COPG2: variants seen among roughly 807,000 people sequenced by gnomAD.
COPG2 encodes the protein coat protein complex I subunit gamma 2.
Under a neutral mutation model 46.3 loss-of-function variants are expected in COPG2, and 37 were observed. The ratio of observed to expected loss-of-function variants is 0.80; its 90% CI spans 0.61 to 1.05. The LOEUF (loss-of-function observed/expected upper bound fraction) is 1.05, where lower values mean the gene tolerates loss of function less well. Ranked by LOEUF, COPG2 falls within the 50% of genes least tolerant of loss-of-function variation. COPG2 has a pLI of 0.00. For missense variants in COPG2, 427 were observed against 387.8 expected (o/e 1.10, Z -0.85); for synonymous variants, 159 against 129.7 (o/e 1.23, Z -1.53).
intron 9 of COPG2, among the ~76,000 whole-genome samples, chr7:130,601,659 C>T (rs1298825210): frequency 6.6e-6 from 1 of 152,092 alleles, no homozygotes; most frequent in African/African-American, 2.4e-5. Flanking sequence ...ACACCGGGGC[C>T]TGTCGCGGGT....
chr7:130,633,785 G>A (rs1346750455), intron 5 of COPG2, among the ~76,000 whole-genome samples: 4 of 152,152 alleles, frequency 2.6e-5, no homozygotes, highest in African/African-American at 9.7e-5. Context: ...TAGTCATGAA[G>A]TCTTTGCCCA....
chr7:130,583,493 TAAA>T (rs782593413), intron 9 of COPG2, among the ~76,000 whole-genome samples: 7 of 34,384 alleles, frequency 2.0e-4, no homozygotes, highest in South Asian at 2.9e-3. Flanking sequence ...ACATAAAGTA[TAAA>T]AAAAAAAAAA....
At chr7:130,588,052 C>T (rs1188056856) in intron 9 of COPG2, among the ~76,000 whole-genome samples, 2 of 151,716 alleles carry the variant, frequency 1.3e-5, no homozygotes, top group South Asian at 2.1e-4. Context: ...AAAATGCTCA[C>T]CATCACTGGC....
chr7:130,658,318 T>G (rs1795897046), intron 4 of COPG2, among the ~76,000 whole-genome samples: 1 of 152,190 alleles, frequency 6.6e-6, no homozygotes, highest in South Asian at 2.1e-4. Flanking sequence ...ATATCATTCA[T>G]ATGACTTCCT....
At chr7:130,558,466 G>A (rs1323347549) in intron 12 of COPG2, among the ~76,000 whole-genome samples, 3 of 152,138 alleles carry the variant, frequency 2.0e-5, no homozygotes, top group Non-Finnish European at 4.4e-5. Flanking sequence ...GCAGAACTGT[G>A]AGCCAATTAA....
chr7:130,542,889 G>A (rs2116373815), intron 20 of COPG2, among the ~76,000 whole-genome samples: 2 of 152,302 alleles, frequency 1.3e-5, no homozygotes, highest in South Asian at 4.1e-4. Flanking sequence ...TGGGGGCACT[G>A]GCAAATCTCA....
intron 20 of COPG2, chr7:130,509,692 G>A (rs1799565023): frequency 1.9e-6 from 1 of 519,434 alleles, no homozygotes; most frequent in Non-Finnish European, 3.9e-6. Flanking sequence ...ATAAAAAGAT[G>A]ACTGAGACAT....
chr7:130,509,828 G>A (rs377092794), intron 20 of COPG2: 2 of 504,544 alleles, frequency 4.0e-6, no homozygotes, highest in African/African-American at 3.9e-5. Flanking sequence ...TGCCATGTGA[G>A]GGTGCGGGAT....
At chr7:130,513,357 GTGTATATATATATATATA>G (rs1187818079) in intron 20 of COPG2, among the ~76,000 whole-genome samples, 4 of 42,066 alleles carry the variant, frequency 9.5e-5, no homozygotes, top group South Asian at 9.0e-4. Flanking sequence ...GTGTGTGTGT[GTGTATATATATATATATA>G]TGTGTGTGTG....
intron 20 of COPG2, among the ~76,000 whole-genome samples, chr7:130,518,954 C>T (rs1422313196): frequency 2.1e-5 from 3 of 143,426 alleles, no homozygotes; most frequent in East Asian, 2.0e-4. Context: ...TGCAGTGAGC[C>T]GAGATGGCAC....
At chr7:130,536,641 T>G (rs1166130677) in intron 20 of COPG2, among the ~76,000 whole-genome samples, 7 of 152,012 alleles carry the variant, frequency 4.6e-5, no homozygotes, top group Admixed American at 4.6e-4. Context: ...GAGGGGAAGA[T>G]GCACGTGCAG....
At chr7:130,645,721 C>T (rs1377524373) in intron 5 of COPG2, 2 of 141,134 alleles carry the variant, frequency 1.4e-5, no homozygotes, top group African/African-American at 5.3e-5. Context: ...TGCAAAATTG[C>T]CCTTGTTTGA....
At chr7:130,538,991 G>C in intron 20 of COPG2, among the ~76,000 whole-genome samples, 1 of 152,220 alleles carries the variant, frequency 6.6e-6, no homozygotes, top group South Asian at 2.1e-4. Context: ...AGTTTGGATA[G>C]GATGAAGGTT....
intron 5 of COPG2, among the ~76,000 whole-genome samples, chr7:130,622,017 T>C (rs528722995): frequency 1.3e-5 from 2 of 151,696 alleles, no homozygotes; most frequent in South Asian, 4.2e-4. Flanking sequence ...CCATAGCTTG[T>C]CAACCCATGT....
Position 130,508,618 on chromosome 7 carries a change from C to A in COPG2, c.2191G>T (p.Asp731Tyr), listed in dbSNP as rs375879111. 1.3e-6 allele frequency: 1 copy of A among 775,344 alleles called. No individual in the cohort carries two copies. Among genetic ancestry groups the A allele is most frequent in the African/African-American group, 1.7e-5 (1 of 59,092 alleles). The allele number at this position is 775,344 out of a possible 1,614,324, so 48.0% of individuals were successfully genotyped here. ...GGAACTCCAGTGTTAGGGTCACAGT[C>A]CCGGACTGTAAACTTCATGGTGCAG... ...FSCTMKFTVRDCDPNTGVPDE... is the reference protein window; with the variant it reads ...FSCTMKFTVRYCDPNTGVPDE... Residue 731 changes from aspartate (D) to tyrosine (Y), a missense_variant, in exon 21 of 24, where the codon GAC becomes TAC. By Grantham distance (160) the Asp-to-Tyr change is radical. Coordinates refer to ENST00000425248, the MANE Select transcript of COPG2 (RefSeq NM_012133.6).
At chr7:130,607,819 G>A (rs782751151) in intron 9 of COPG2, 5 of 519,782 alleles carry the variant, frequency 9.6e-6, no homozygotes, top group Non-Finnish European at 1.9e-5. Flanking sequence ...AGGAATTACA[G>A]AATGCCCTCA....
intron 9 of COPG2, among the ~76,000 whole-genome samples, chr7:130,583,474 T>C (rs1270489386): frequency 4.2e-5 from 5 of 120,200 alleles, no homozygotes; most frequent in African/African-American, 6.8e-5. Flanking sequence ...TGTGCACATG[T>C]ACCCTAAAAC....
At chr7:130,550,006 A>T (rs1415521556) in intron 17 of COPG2, among the ~76,000 whole-genome samples, 3 of 151,978 alleles carry the variant, frequency 2.0e-5, no homozygotes, top group Admixed American at 6.5e-5. Context: ...GCTTTGCATT[A>T]AAAAAAACCC....
At chr7:130,538,946 G>C (rs1442102213) in intron 20 of COPG2, among the ~76,000 whole-genome samples, 1 of 152,088 alleles carries the variant, frequency 6.6e-6, no homozygotes, top group African/African-American at 2.4e-5. Flanking sequence ...TGGGAGATTA[G>C]GTCAGTAGTA....
Sources: allele counts gnomAD v4.1 joint callset (sites outside exome capture counted in the v4.1 genomes callset), GRCh38; gene constraint gnomAD v4.1.1; transcripts MANE v1.5; gene names NCBI Gene and HGNC (gene_info 2026-07-23, HGNC 2026-07-21).